DDAH1: variants seen among roughly 807,000 people sequenced by gnomAD.
DDAH1 encodes dimethylarginine dimethylaminohydrolase 1, also known as N(G),N(G)-dimethylarginine dimethylaminohydrolase 1.
A neutral mutation model predicts 28.8 loss-of-function variants in DDAH1; 19 were observed. The ratio of observed to expected loss-of-function variants is 0.66; its 90% CI spans 0.46 to 0.97. DDAH1 has a LOEUF of 0.97. Among genes scored for constraint, DDAH1 ranks in the 50% least tolerant of loss-of-function variants. DDAH1 has a pLI of 0.00. For missense variants in DDAH1, 326 were observed against 375.9 expected (o/e 0.87, Z 1.10); for synonymous variants, 153 against 154.4 (o/e 0.99, Z 0.07).
chr1:85,336,177 A>G (rs1361232952), intron 4 of DDAH1, among the ~76,000 whole-genome samples: 1 of 152,140 alleles, frequency 6.6e-6, no homozygotes, highest in Non-Finnish European at 1.5e-5. Flanking sequence ...GGAACATTTC[A>G]TCCAATAGCT....
At chr1:85,561,264 G>A (rs1035952062) in intron 1 of DDAH1, among the ~76,000 whole-genome samples, 3 of 152,030 alleles carry the variant, frequency 2.0e-5, no homozygotes, top group African/African-American at 7.2e-5. Flanking sequence ...TATATTGAAA[G>A]CATTTAAAAA....
rs950725595 is a variant in DDAH1, at chr1:85,557,140, T to C, written c.-123+20844A>G. Among the ~76,000 whole-genome samples, 3 of 151,984 alleles carry C rather than the reference T, an allele frequency of 2.0e-5. No homozygotes were observed. The South Asian group carries it at 6.2e-4, about 32-fold the overall frequency. ...TCAAAAGAAATAGAAAAGAAAAGAATAAAAGCTTCCTCACCAGAAATAAGA... is the reference window on the plus strand; with the variant it reads ...TCAAAAGAAATAGAAAAGAAAAGAACAAAAGCTTCCTCACCAGAAATAAGA... On this transcript the variant is annotated intron_variant, in intron 1 of 6. Coordinates refer to the DDAH1 transcript ENST00000426972.
At chr1:85,474,537 C>T (rs891693425) in intron 2 of DDAH1, among the ~76,000 whole-genome samples, 12 of 152,146 alleles carry the variant, frequency 7.9e-5, no homozygotes, top group East Asian at 1.9e-4. Flanking sequence ...TCTTTAGACT[C>T]GTTGAAGTCA....
At chr1:85,506,236 G>A (rs1354015530) in intron 1 of DDAH1, among the ~76,000 whole-genome samples, 2 of 152,212 alleles carry the variant, frequency 1.3e-5, no homozygotes, top group East Asian at 3.9e-4. Context: ...GATTTCACCA[G>A]GAAAAGGATG....
At chr1:85,503,491 T>C (rs1371837844) in intron 1 of DDAH1, among the ~76,000 whole-genome samples, 1 of 152,198 alleles carries the variant, frequency 6.6e-6, no homozygotes, top group Non-Finnish European at 1.5e-5. Context: ...CATAAGCCAC[T>C]GCACCCGGCT....
intron 2 of DDAH1, among the ~76,000 whole-genome samples, chr1:85,480,632 C>T (rs571844335): frequency 2.0e-5 from 3 of 152,202 alleles, no homozygotes; most frequent in African/African-American, 7.2e-5. Flanking sequence ...GTAATCCCAG[C>T]TACTCAGGGG....
intron 1 of DDAH1, among the ~76,000 whole-genome samples, chr1:85,377,805 T>C (rs1322244034): frequency 6.7e-6 from 1 of 150,114 alleles, no homozygotes; most frequent in African/African-American, 2.5e-5. Context: ...CCCAACTAAA[T>C]TGATAACCTC....
intron 4 of DDAH1, among the ~76,000 whole-genome samples, chr1:85,332,093 T>C (rs765160283): frequency 3.9e-5 from 6 of 152,170 alleles, no homozygotes; most frequent in South Asian, 4.1e-4. Flanking sequence ...TGTGGCAGCA[T>C]TGCTCCAGAG....
At chr1:85,378,009 T>C (rs571731369) in intron 1 of DDAH1, among the ~76,000 whole-genome samples, 1 of 152,330 alleles carries the variant, frequency 6.6e-6, no homozygotes, top group East Asian at 1.9e-4. Flanking sequence ...AAGTGACTTA[T>C]TGGACTTCAT....
intron 1 of DDAH1, among the ~76,000 whole-genome samples, chr1:85,385,863 T>G (rs1284968614): frequency 1.3e-5 from 2 of 152,124 alleles, no homozygotes; most frequent in African/African-American, 4.8e-5. Context: ...TTCAAATCAC[T>G]TCTACTCATG....
At chr1:85,471,684 C>T (rs773587473) in intron 2 of DDAH1, among the ~76,000 whole-genome samples, 1 of 152,110 alleles carries the variant, frequency 6.6e-6, no homozygotes, top group Non-Finnish European at 1.5e-5. Context: ...ATCCATCTGC[C>T]TCTGTATAAA....
At chr1:85,485,355 G>A (rs1400096385) in intron 2 of DDAH1, among the ~76,000 whole-genome samples, 2 of 152,132 alleles carry the variant, frequency 1.3e-5, no homozygotes, top group Middle Eastern at 3.4e-3. Flanking sequence ...GCAAACCACA[G>A]GAGAATCACT....
intron 1 of DDAH1, among the ~76,000 whole-genome samples, chr1:85,384,632 T>C (rs1038004092): frequency 5.3e-5 from 8 of 152,236 alleles, no homozygotes; most frequent in African/African-American, 1.7e-4. Flanking sequence ...TCTTTCATGA[T>C]GGAAGTCAAA....
intron 1 of DDAH1, among the ~76,000 whole-genome samples, chr1:85,415,827 A>G (rs958300930): frequency 6.6e-6 from 1 of 152,202 alleles, no homozygotes; most frequent in South Asian, 2.1e-4. Context: ...AATCTGTGTA[A>G]TAAGTATACA....
chr1:85,361,971 A>G (rs1380290579), intron 1 of DDAH1, among the ~76,000 whole-genome samples: 5 of 152,246 alleles, frequency 3.3e-5, no homozygotes, highest in Non-Finnish European at 5.9e-5. Context: ...TATGAATAAC[A>G]GCTTGTGTAT....
chr1:85,555,519 C>A (rs569184515), intron 1 of DDAH1, among the ~76,000 whole-genome samples: 3 of 152,152 alleles, frequency 2.0e-5, no homozygotes, highest in African/African-American at 7.2e-5. Flanking sequence ...TTAACATGTC[C>A]TCATCTACTC....
At chr1:85,516,448 A>G (rs1243461184) in intron 1 of DDAH1, among the ~76,000 whole-genome samples, 12 of 150,082 alleles carry the variant, frequency 8.0e-5, no homozygotes, top group African/African-American at 2.0e-4. Context: ...ATAGAAGAAT[A>G]TATCCACCCT....
intron 1 of DDAH1, among the ~76,000 whole-genome samples, chr1:85,517,928 A>G (rs1657529475): frequency 6.6e-6 from 1 of 152,180 alleles, no homozygotes; most frequent in African/African-American, 2.4e-5. Flanking sequence ...ATTTCTTTCA[A>G]CAGCTGGGTT....
upstream of DDAH1, among the ~76,000 whole-genome samples, chr1:85,468,411 T>TA (rs938500759): frequency 6.6e-6 from 1 of 152,082 alleles, no homozygotes; most frequent in Non-Finnish European, 1.5e-5. Context: ...TTAATGGACT[T>TA]ACGATTCCAC....
Sources: allele counts gnomAD v4.1 joint callset (sites outside exome capture counted in the v4.1 genomes callset), GRCh38; gene constraint gnomAD v4.1.1; transcripts MANE v1.5; gene names NCBI Gene and HGNC (gene_info 2026-07-23, HGNC 2026-07-21).